Variants in DLAT observed in about 807,000 individuals in gnomAD.
The protein encoded by DLAT is dihydrolipoamide S-acetyltransferase.
Under a neutral mutation model 68.0 loss-of-function variants are expected in DLAT, and 43 were observed. The ratio of observed to expected loss-of-function variants is 0.63; its 90% CI spans 0.50 to 0.81. DLAT has a LOEUF of 0.81. DLAT is among the 40% of genes least tolerant of loss of function. DLAT has a pLI of 0.00. For synonymous variants in DLAT, 265 were observed against 288.6 expected (o/e 0.92, Z 0.83); for missense variants, 745 against 815.4 (o/e 0.91, Z 1.05).
chr11:112,062,427 GTCTGTTACAC>G lies in DLAT; in HGVS notation c.1839_1848del (p.Thr615ValfsTer32). 1 of 1,612,610 alleles carries G rather than the reference GTCTGTTACAC, an allele frequency of 6.2e-7. No individual in the cohort carries two copies. Among genetic ancestry groups the G allele is most frequent in the Non-Finnish European group, 8.5e-7 (1 of 1,180,010 alleles). ...CTAGGTTTGATGTGGCTAGCATGAT[GTCTGTTACAC>G]TCAGTTGTGATCACCGGGTGGTGGA... On this transcript the variant is annotated frameshift_variant, in exon 14 of 14. Coordinates refer to ENST00000280346, the MANE Select transcript of DLAT (RefSeq NM_001931.5). LOFTEE classifies it high-confidence loss of function.
rs587646022 is a variant in DLAT at position 112,059,758 on chromosome 11, G to A, written c.1515-145G>A. On this transcript the variant is annotated intron_variant, in intron 11 of 13. Transcript: ENST00000280346. ...ACAGCAAAATGTAAAAATTAGGATA[G>A]ACATCTTAATTTTTGTCTTTGGCTG... 189 of 631,534 alleles carry A rather than the reference G, an allele frequency of 3.0e-4. 1 individual carries two copies. Among genetic ancestry groups the A allele is most frequent in the African/African-American group, 2.9e-3 (156 of 54,352 alleles). The allele number at this position is 631,534 out of a possible 1,614,324, so 39.1% of individuals were successfully genotyped here.
chr11:112,053,781 C>T (rs1863812588), intron 11 of DLAT, among the ~76,000 whole-genome samples: 1 of 152,142 alleles, frequency 6.6e-6, no homozygotes, highest in Non-Finnish European at 1.5e-5. Context: ...ACTATTGTTT[C>T]TTCTGGTATT....
chr11:112,057,325 T>G (rs1458253900), intron 11 of DLAT, among the ~76,000 whole-genome samples: 1 of 152,192 alleles, frequency 6.6e-6, no homozygotes, highest in African/African-American at 2.4e-5. Context: ...AAGGAAGACT[T>G]TCACGTCTCT....
At chr11:112,029,614 G>C (rs1433169959) in intron 4 of DLAT, among the ~76,000 whole-genome samples, 2 of 151,722 alleles carry the variant, frequency 1.3e-5, no homozygotes, top group Non-Finnish European at 2.9e-5. Flanking sequence ...CCTGCCACCA[G>C]ACCCCATCTC....
chr11:112,031,696 C>G (rs1862403788), intron 4 of DLAT, among the ~76,000 whole-genome samples: 1 of 151,912 alleles, frequency 6.6e-6, no homozygotes, highest in Non-Finnish European at 1.5e-5. Context: ...ACCTCAGCCT[C>G]CCAAGACGCT....
intron 10 of DLAT, among the ~76,000 whole-genome samples, chr11:112,050,977 T>C (rs1555181915): frequency 6.6e-6 from 1 of 152,186 alleles, no homozygotes; most frequent in African/African-American, 2.4e-5. Context: ...TCTTCCTCCT[T>C]TTCTCACGAT....
intron 5 of DLAT, among the ~76,000 whole-genome samples, chr11:112,034,446 AT>A (rs1178144652): frequency 1.2e-3 from 178 of 144,276 alleles, no homozygotes; most frequent in Middle Eastern, 3.5e-3. Context: ...TATTATTATT[AT>A]TTTTTTTTTT....
In DLAT at chr11:112,062,630, A is replaced by G; in HGVS notation, c.*95A>G. 1 of 1,414,238 alleles carries G rather than the reference A, an allele frequency of 7.1e-7. No individual in the cohort carries two copies. Among genetic ancestry groups the G allele is most frequent in the South Asian group, 1.2e-5 (1 of 82,510 alleles). The allele number at this position is 1,414,238 out of a possible 1,614,324, so 87.6% of individuals were successfully genotyped here. ...TAAACAGGTGGTTCTTTTTATTTTA[A>G]CCAGTTATTTTTATTATTGAGTCTG... is the stretch of plus-strand genomic sequence containing the variant. On this transcript the variant is annotated 3_prime_UTR_variant, in exon 14 of 14. Coordinates refer to ENST00000280346, the MANE Select transcript of DLAT (RefSeq NM_001931.5).
At chr11:112,033,714 ATTTG>A (rs1338728825) in intron 5 of DLAT, among the ~76,000 whole-genome samples, 184 bp downstream of exon 5, 1 of 151,986 alleles carries the variant, frequency 6.6e-6, no homozygotes, top group Non-Finnish European at 1.5e-5. Context: ...TTATTTATTT[ATTTG>A]TTTATTTGCT....
chr11:112,027,571 C>T (rs1186063621), intron 2 of DLAT, among the ~76,000 whole-genome samples: 3 of 151,954 alleles, frequency 2.0e-5, no homozygotes, highest in East Asian at 1.9e-4. Flanking sequence ...GAGGTTGTAG[C>T]GAGCCGAGAT....
intron 4 of DLAT, among the ~76,000 whole-genome samples, chr11:112,033,112 A>G (rs587639155): frequency 6.6e-6 from 1 of 152,186 alleles, no homozygotes; most frequent in South Asian, 2.1e-4. Context: ...CCATACTTAG[A>G]TGTTGAGAAA....
Position 112,025,765 on chromosome 11 carries a change from C to A in DLAT, c.279+14C>A. ...CCGCATCAGAAGGTGAGCCCTAGACCCCCCTTCTCGGGACCCCGTTGTCCT... is the reference window on the plus strand; with the variant it reads ...CCGCATCAGAAGGTGAGCCCTAGACACCCCTTCTCGGGACCCCGTTGTCCT... On this transcript the variant is annotated intron_variant, in intron 1 of 13. Coordinates refer to ENST00000280346, the MANE Select transcript of DLAT (RefSeq NM_001931.5). 6.2e-7 allele frequency: 1 copy of A among 1,612,804 alleles called. No individual in the cohort carries two copies. Among genetic ancestry groups the A allele is most frequent in the Non-Finnish European group, 8.5e-7 (1 of 1,179,846 alleles).
Position 112,037,464 on chromosome 11 carries a change from G to C in DLAT, c.975+4G>C. On this transcript the variant is annotated splice_donor_region_variant and intron_variant, in intron 6 of 13. Transcript: ENST00000280346. ...GCCACCACCTACCCCACCCCCGGTAGGTATGCTTCTAGAATTCAGGAAACA... is the reference window on the plus strand; with the variant it reads ...GCCACCACCTACCCCACCCCCGGTACGTATGCTTCTAGAATTCAGGAAACA... 3.1e-6 allele frequency: 5 copies of C among 1,614,022 alleles called. No individual in the cohort carries two copies. In the South Asian group the frequency reaches 5.5e-5, roughly 18 times the overall value.
intron 5 of DLAT, among the ~76,000 whole-genome samples, chr11:112,036,153 ATGTGTGTGTATATATG>A (rs1249369388): frequency 7.9e-6 from 1 of 127,266 alleles, no homozygotes; most frequent in South Asian, 2.6e-4. Context: ...ATATATATAT[ATGTGTGTGTATATATG>A]TGTGTGTGTG....
At chr11:112,058,966 T>C (rs1363633060) in intron 11 of DLAT, among the ~76,000 whole-genome samples, 1 of 151,914 alleles carries the variant, frequency 6.6e-6, no homozygotes, top group African/African-American at 2.4e-5. Flanking sequence ...GTTAAAAAGG[T>C]ATTCTGAGAT....
intron 11 of DLAT, among the ~76,000 whole-genome samples, chr11:112,059,607 G>C (rs914408532): frequency 6.6e-5 from 10 of 152,114 alleles, no homozygotes; most frequent in African/African-American, 2.4e-4. Context: ...TGGCCAGGCT[G>C]GTCTCAAACT....
chr11:112,037,730 T>C (rs1188221931), intron 6 of DLAT, among the ~76,000 whole-genome samples: 2 of 151,804 alleles, frequency 1.3e-5, no homozygotes, highest in Non-Finnish European at 2.9e-5. Flanking sequence ...CTTTCTGCTT[T>C]AGATACAGAT....
intron 11 of DLAT, among the ~76,000 whole-genome samples, chr11:112,052,908 G>T (rs1166639913): frequency 6.6e-6 from 1 of 151,984 alleles, no homozygotes; most frequent in Non-Finnish European, 1.5e-5. Context: ...ATTATATAAG[G>T]GCTCATTATA....
chr11:112,041,401 G>T (rs1471111846), intron 7 of DLAT, among the ~76,000 whole-genome samples: 1 of 152,168 alleles, frequency 6.6e-6, no homozygotes, highest in Admixed American at 6.5e-5. Context: ...GTGCAGTCAT[G>T]ACTACTTTTA....
Sources: allele counts gnomAD v4.1 joint callset (sites outside exome capture counted in the v4.1 genomes callset), GRCh38; gene constraint gnomAD v4.1.1; transcripts MANE v1.5; gene names NCBI Gene and HGNC (gene_info 2026-07-23, HGNC 2026-07-21).